The following PCLO variants were observed in gnomAD, a reference collection of about 807,000 sequenced individuals.
PCLO encodes the protein protein piccolo.
In PCLO, 82 loss-of-function variants were observed where a neutral mutation model predicts 427.5. That is an observed-to-expected ratio of 0.19 (90% CI 0.16 to 0.23). The LOEUF (loss-of-function observed/expected upper bound fraction) is 0.23, where lower values mean the gene tolerates loss of function less well. PCLO is among the 10% of genes least tolerant of loss of function. The pLI, the probability that PCLO is intolerant of heterozygous loss-of-function variation, is 1.00. For synonymous variants in PCLO, 2,357 were observed against 2,155.4 expected, an observed-to-expected ratio of 1.09 and a Z score of -2.59; for missense variants, 6,239 against 6,115.9, an observed-to-expected ratio of 1.02 and a Z score of -0.67.
chr7:83,040,251 A>G (rs941962842), intron 3 of PCLO, among the ~76,000 whole-genome samples: 1 of 152,052 alleles, frequency 6.6e-6, no homozygotes, highest in Non-Finnish European at 1.5e-5. Flanking sequence ...TGGTTATGTT[A>G]TTTTAGTGAA....
At position 82,955,776 on chromosome 7, in the gene PCLO, G is replaced by C; in HGVS notation, c.5177C>G (p.Thr1726Ser). ...TACTGATGTAGGGGATGTACCAGGA[G>C]TGAAGCTGGAAGCATGCAGACTCGA... Reference protein sequence around the residue: ...GSSSLHASSFTPGTSPTSVSS... With the variant: ...GSSSLHASSFSPGTSPTSVSS... The change falls in exon 5 of 25, where the codon ACT (threonine) becomes AGT (serine). Residue 1726 changes from threonine to serine, a missense_variant. Coordinates refer to ENST00000333891, the MANE Select transcript of PCLO (RefSeq NM_033026.6). 6.2e-7 allele frequency: 1 copy of C among 1,613,964 alleles called. No individual in the cohort carries two copies. The highest frequency in any genetic ancestry group is 8.5e-7 in the Non-Finnish European group (1 of 1,179,884).
At chr7:82,927,179 C>T (rs1794732300) in intron 6 of PCLO, among the ~76,000 whole-genome samples, 1 of 152,120 alleles carries the variant, frequency 6.6e-6, no homozygotes, top group Non-Finnish European at 1.5e-5. Context: ...TGTCAAATGG[C>T]AGATCCAGCA....
rs1006192645 is a variant in PCLO, at chr7:82,870,714, T to A, written c.13654+8623A>T. Among the ~76,000 whole-genome samples the A allele has an allele frequency of 2.0e-5, 3 of 152,004 alleles. No homozygotes were observed. In the East Asian group the frequency reaches 5.8e-4, roughly 29 times the overall value. Reference sequence around the variant, plus strand: ...TCTGACAAGGGATGAATAGGTAGAATGTATAAGGAACTCAAACAACTTAAT... The same window carrying A: ...TCTGACAAGGGATGAATAGGTAGAAAGTATAAGGAACTCAAACAACTTAAT... On this transcript the variant is annotated intron_variant, in intron 10 of 24. Transcript: ENST00000333891.
At chr7:83,001,970 G>T (rs919562462) in intron 3 of PCLO, among the ~76,000 whole-genome samples, 4 of 151,820 alleles carry the variant, frequency 2.6e-5, no homozygotes, top group African/African-American at 9.7e-5. Context: ...TCTACCACAG[G>T]GACTCTATGC....
chr7:82,870,315 AG>A (rs1189429944), intron 10 of PCLO, among the ~76,000 whole-genome samples: 1 of 152,050 alleles, frequency 6.6e-6, no homozygotes, highest in East Asian at 1.9e-4. Flanking sequence ...GTTTCAACAA[AG>A]GCACAAAGAA....
chr7:82,916,090 T>G lies in PCLO; in HGVS notation c.11896A>C (p.Thr3966Pro). The G allele has an allele frequency of 6.2e-7, 1 of 1,613,580 alleles. No individual in the cohort carries two copies. The highest frequency in any genetic ancestry group is 8.5e-7 in the Non-Finnish European group (1 of 1,179,758). ...ATCTTGGGCTCCAAATATAATGTAG[T>G]TTGCCGTGGCTTCTGTTGTATCACC... ...MMVIQQKPRQTTLYLEPKITS... is the reference protein window; with the variant it reads ...MMVIQQKPRQPTLYLEPKITS... The change falls in exon 7 of 25, where the codon ACT becomes CCT. Residue 3966 changes from threonine (T) to proline (P), a missense_variant. By Grantham distance (38) the Thr-to-Pro change is conservative (BLOSUM62 -1). Transcript: ENST00000333891.
At chr7:83,007,497 TA>T (rs1787976424) in intron 3 of PCLO, among the ~76,000 whole-genome samples, 1 of 151,598 alleles carries the variant, frequency 6.6e-6, no homozygotes, top group African/African-American at 2.4e-5. Context: ...GATAACAACT[TA>T]AATTTCCAAT....
intron 20 of PCLO, among the ~76,000 whole-genome samples, chr7:82,818,178 A>C (rs1052821642): frequency 6.6e-6 from 1 of 152,118 alleles, no homozygotes; most frequent in African/African-American, 2.4e-5. Flanking sequence ...CAATCTGTCT[A>C]ATCTTTCCCG....
chr7:82,826,815 T>G (rs1791957696), intron 17 of PCLO, among the ~76,000 whole-genome samples, 155 bp from the exon 18 acceptor site: 1 of 152,114 alleles, frequency 6.6e-6, no homozygotes, highest in Admixed American at 6.6e-5. Context: ...GTTTAAATAT[T>G]AAATATTATG....
intron 3 of PCLO, among the ~76,000 whole-genome samples, chr7:83,124,928 C>T (rs11981472): frequency 0.57 from 86,857 of 152,024 alleles, 26,013 homozygotes; most frequent in African/African-American, 0.76. Flanking sequence ...CTGGTTTTTG[C>T]ATTTTTTGGT....
chr7:82,769,998 C>T (rs1790615432), intron 22 of PCLO, among the ~76,000 whole-genome samples: 1 of 152,032 alleles, frequency 6.6e-6, no homozygotes, highest in African/African-American at 2.4e-5. Flanking sequence ...TTTTCAAACC[C>T]AGTCATTATG....
At chr7:83,110,938 T>C (rs562638966) in intron 3 of PCLO, among the ~76,000 whole-genome samples, 1 of 152,340 alleles carries the variant, frequency 6.6e-6, no homozygotes, top group East Asian at 1.9e-4. Context: ...TGTAAATTTA[T>C]ATGGACTTCT....
intron 13 of PCLO, 37 bp downstream of exon 13, chr7:82,845,234 A>G (rs759295577): frequency 8.4e-5 from 119 of 1,421,358 alleles, no homozygotes; most frequent in Non-Finnish European, 1.1e-4. Flanking sequence ...AAGAGCTAGA[A>G]AACAAGTGGG....
chr7:82,942,623 T>C (rs2116388384), intron 6 of PCLO, among the ~76,000 whole-genome samples: 1 of 152,290 alleles, frequency 6.6e-6, no homozygotes, highest in African/African-American at 2.4e-5. Flanking sequence ...CTGTGTACAT[T>C]TGTTTTAATT....
At chr7:82,759,728 C>T (rs976457460) in intron 24 of PCLO, among the ~76,000 whole-genome samples, 5 of 151,812 alleles carry the variant, frequency 3.3e-5, no homozygotes, top group African/African-American at 1.2e-4. Flanking sequence ...TGGTCTCTTC[C>T]TATATTTTTT....
At chr7:82,907,717 A>G (rs1794224269) in intron 8 of PCLO, among the ~76,000 whole-genome samples, 1 of 152,008 alleles carries the variant, frequency 6.6e-6, no homozygotes, top group African/African-American at 2.4e-5. Flanking sequence ...ATGAAAAACT[A>G]AAGATAGAAA....
chr7:83,135,697 T>C (rs1791710196), intron 2 of PCLO, 41 bp from the exon 3 acceptor site: 2 of 1,311,808 alleles, frequency 1.5e-6, no homozygotes, highest in African/African-American at 3.0e-5. Flanking sequence ...GACAATACTG[T>C]AAAAACACAA....
intron 18 of PCLO, 82 bp from the exon 19 acceptor site, chr7:82,824,498 A>G (rs1024148014): frequency 1.1e-6 from 1 of 876,084 alleles, no homozygotes; most frequent in Non-Finnish European, 1.7e-6. Flanking sequence ...TCTAAAATTT[A>G]TTCAAGGATA....
At position 82,976,965 on chromosome 7, in the gene PCLO, C is replaced by T. The variant is rs141104980; in HGVS notation, c.3301-10478G>A. ...AAACTCCTGGGCCCAAGCCATCTTC[C>T]AGCATTTGCCTCCCAAAGTTCTGGG... On this transcript the variant is annotated intron_variant, in intron 3 of 24. Transcript: ENST00000333891. Among the ~76,000 whole-genome samples the T allele has an allele frequency of 3.0e-3, 452 of 152,302 alleles. 2 individuals carry two copies. Among genetic ancestry groups the T allele is most frequent in the African/African-American group, 0.01 (435 of 41,578 alleles).
Sources: allele counts gnomAD v4.1 joint callset (sites outside exome capture counted in the v4.1 genomes callset), GRCh38; gene constraint gnomAD v4.1.1; transcripts MANE v1.5; gene names NCBI Gene and HGNC (gene_info 2026-07-23, HGNC 2026-07-21).